PLCB4: variants seen among roughly 807,000 people sequenced by gnomAD.
The protein encoded by PLCB4 is 1-phosphatidylinositol 4,5-bisphosphate phosphodiesterase beta-4.
In PLCB4, 77 loss-of-function variants were observed where a neutral mutation model predicts 178.8. The ratio of observed to expected loss-of-function variants is 0.43; its 90% confidence interval spans 0.36 to 0.52. The LOEUF is 0.52. PLCB4 is among the 20% of genes least tolerant of loss of function. PLCB4 has a pLI of 0.00. For missense variants in PLCB4, 1,024 were observed against 1,453.4 expected (o/e 0.70, Z 4.80); for synonymous variants, 496 against 490.8 (o/e 1.01, Z -0.14).
At chr20:9,077,589 A>G (rs1283912879) in intron 1 of PLCB4, among the ~76,000 whole-genome samples, 3 of 152,242 alleles carry the variant, frequency 2.0e-5, no homozygotes, top group African/African-American at 7.2e-5. Flanking sequence ...TTGATCAGTT[A>G]AGGGGCTAAT....
chr20:9,340,905 T>C (rs908690223), intron 7 of PLCB4, among the ~76,000 whole-genome samples: 2 of 152,158 alleles, frequency 1.3e-5, no homozygotes, highest in African/African-American at 2.4e-5. Flanking sequence ...TAATATGTGT[T>C]AGCTATTAGG....
At chr20:9,252,294 A>G (rs1200431933) in intron 3 of PLCB4, among the ~76,000 whole-genome samples, 3 of 152,246 alleles carry the variant, frequency 2.0e-5, no homozygotes, top group African/African-American at 7.2e-5. Flanking sequence ...TGGTCCAAGG[A>G]CCAGCAATGT....
chr20:9,441,832 A>C (rs1046063420), intron 30 of PLCB4, among the ~76,000 whole-genome samples: 1 of 152,062 alleles, frequency 6.6e-6, no homozygotes, highest in Admixed American at 6.6e-5. Context: ...GCAGACCTCT[A>C]TGAAGGTGGG....
intron 35 of PLCB4, 23 bp from the exon 36 acceptor site, chr20:9,468,548 G>A: frequency 1.4e-6 from 2 of 1,445,862 alleles, no homozygotes; most frequent in South Asian, 1.2e-5. Context: ...CTCCCTGTTT[G>A]TTTTCTTGTT....
chr20:9,455,389 T>G (rs1343772751), intron 33 of PLCB4, among the ~76,000 whole-genome samples: 6 of 152,190 alleles, frequency 3.9e-5, no homozygotes, highest in African/African-American at 1.4e-4. Context: ...TATTACAGTT[T>G]TCTGATTCAA....
intron 17 of PLCB4, among the ~76,000 whole-genome samples, chr20:9,392,266 T>C (rs57787222): frequency 0.083 from 12,588 of 152,296 alleles, 675 homozygotes; most frequent in African/African-American, 0.14. Context: ...CAGAGATTTA[T>C]TGAAAATGAA....
chr20:9,178,843 A>T (rs1289022304), intron 2 of PLCB4, among the ~76,000 whole-genome samples: 1 of 152,048 alleles, frequency 6.6e-6, no homozygotes, highest in African/African-American at 2.4e-5. Flanking sequence ...TTTGCAGGGG[A>T]GGTAGAAAAG....
At chr20:9,384,574 T>C (rs1396475403) in intron 14 of PLCB4, among the ~76,000 whole-genome samples, 163 bp downstream of exon 14, 2 of 152,224 alleles carry the variant, frequency 1.3e-5, no homozygotes, top group African/African-American at 4.8e-5. Flanking sequence ...AGAAGGACAG[T>C]ATCTCTTTCG....
At chr20:9,110,829 A>G (rs946599433) in intron 2 of PLCB4, among the ~76,000 whole-genome samples, 1 of 152,128 alleles carries the variant, frequency 6.6e-6, no homozygotes, top group African/African-American at 2.4e-5. Context: ...ATTTTTTTTC[A>G]TAATCATGAA....
At position 9,424,949 on chromosome 20, in the gene PLCB4, T is replaced by C. The variant is rs1187131651; in HGVS notation, c.2524+997T>C. On this transcript the variant is annotated intron_variant, in intron 28 of 39. Coordinates refer to ENST00000378473, the MANE Select transcript of PLCB4 (RefSeq NM_001377142.1). ...ATTTTCTGCAACTAAACCACAACTT[T>C]ACCAGTCTAATATCAGAGTCAAAAA... 2.0e-5 allele frequency among the ~76,000 whole-genome samples: 3 copies of C among 152,150 alleles called. No homozygotes were observed. The East Asian group carries it at 5.8e-4, about 29-fold the overall frequency.
At chr20:9,441,914 T>A (rs2276476) in intron 30 of PLCB4, among the ~76,000 whole-genome samples, 56,751 of 151,538 alleles carry the variant, frequency 0.37, 11,645 homozygotes, top group African/African-American at 0.55. Flanking sequence ...ACACGACTTT[T>A]TTTTTTTTTT....
chr20:9,269,392 A>T (rs1021512593), intron 3 of PLCB4, among the ~76,000 whole-genome samples: 2 of 152,188 alleles, frequency 1.3e-5, no homozygotes, highest in African/African-American at 2.4e-5. Context: ...TTTGAAGTAC[A>T]TTGGAAGTGG....
At chr20:9,325,883 A>T (rs1436253044) in intron 4 of PLCB4, among the ~76,000 whole-genome samples, 4 of 152,194 alleles carry the variant, frequency 2.6e-5, no homozygotes, top group African/African-American at 9.7e-5. Flanking sequence ...TACACTCGGC[A>T]GCTATAAACA....
intron 17 of PLCB4, among the ~76,000 whole-genome samples, chr20:9,392,277 A>G (rs2038211677): frequency 6.6e-6 from 1 of 152,228 alleles, no homozygotes; most frequent in Non-Finnish European, 1.5e-5. Context: ...TGAAAATGAA[A>G]GTACACTCCA....
At chr20:9,165,768 G>C (rs1269242809) in intron 2 of PLCB4, among the ~76,000 whole-genome samples, 1 of 150,574 alleles carries the variant, frequency 6.6e-6, no homozygotes, top group Non-Finnish European at 1.5e-5. Flanking sequence ...CGCTGTCACC[G>C]ATGGATGGGT....
At position 9,473,344 on chromosome 20, in the gene PLCB4, C is replaced by T; in HGVS notation, c.3474C>T (p.Phe1158=). The part of the protein sequence containing the change: ...LKKVQLEHLE[F]LEKQNEQLLK... ...AAGTCCAGCTTGAACATCTAGAATT[C>T]CTAGAGAAACAGAATGAGCAGGTAT... is the stretch of plus-strand genomic sequence containing the variant. Residue 1158 remains phenylalanine, a synonymous_variant, in exon 38 of 40, where the codon TTC becomes TTT. Coordinates refer to ENST00000378473, the MANE Select transcript of PLCB4 (RefSeq NM_001377142.1). 1.9e-6 allele frequency: 3 copies of T among 1,587,284 alleles called. No homozygotes were observed. Among genetic ancestry groups the T allele is most frequent in the South Asian group, 1.1e-5 (1 of 89,354 alleles).
At chr20:9,336,202 T>C (rs2032433956) in intron 4 of PLCB4, among the ~76,000 whole-genome samples, 1 of 152,160 alleles carries the variant, frequency 6.6e-6, no homozygotes, top group Non-Finnish European at 1.5e-5. Flanking sequence ...TGTTGAAGTG[T>C]GAATGCTAAG....
At chr20:9,390,215 A>T (rs557991621) in intron 16 of PLCB4, among the ~76,000 whole-genome samples, 2 of 152,346 alleles carry the variant, frequency 1.3e-5, no homozygotes, top group South Asian at 4.1e-4. Context: ...GTTCCAAATA[A>T]AAGTTCAGAG....
Position 9,445,990 on chromosome 20 carries a change from T to C in PLCB4, c.2880+1747T>C, listed in dbSNP as rs1602799327. ...TGGAAACATAAAGATTTTGGCTTCA[T>C]TTAATATTTTCTTGAGGCATGGCCA... On this transcript the variant is annotated intron_variant, in intron 32 of 39. Coordinates refer to ENST00000378473, the MANE Select transcript of PLCB4 (RefSeq NM_001377142.1). Among the ~76,000 whole-genome samples the C allele has an allele frequency of 2.6e-5, 4 of 152,356 alleles. No homozygotes were observed. In the Middle Eastern group the frequency reaches 0.01, roughly 389 times the overall value.
Sources: gnomAD v4.1 joint callset for allele counts (sites outside exome capture counted in the v4.1 genomes callset) on GRCh38, gnomAD v4.1.1 for gene constraint, MANE v1.5 for transcripts, NCBI Gene and HGNC (gene_info 2026-07-23, HGNC 2026-07-21) for gene names.